The following NKAIN2 variants were observed in gnomAD, a reference collection of about 807,000 sequenced individuals.
NKAIN2 encodes sodium/potassium-transporting ATPase subunit beta-1-interacting protein 2.
A neutral mutation model predicts 32.6 loss-of-function variants in NKAIN2; 14 were observed. The observed-to-expected ratio is 0.43, with a 90% CI of 0.28 to 0.67. The LOEUF is 0.67. Ranked by LOEUF, NKAIN2 falls within the 30% of genes least tolerant of loss-of-function variation. NKAIN2 has a pLI of 0.17. For synonymous variants in NKAIN2, 80 were observed against 87.2 expected, an observed-to-expected ratio of 0.92 and a Z score of 0.46; for missense variants, 198 against 258.3, an observed-to-expected ratio of 0.77 and a Z score of 1.60.
chr6:124,110,061 T>C (rs555171274), intron 1 of NKAIN2, among the ~76,000 whole-genome samples: 69 of 152,154 alleles, frequency 4.5e-4, no homozygotes, highest in Middle Eastern at 6.8e-3. Context: ...GTAGTTTTCT[T>C]GTGGTTTCTT....
intron 3 of NKAIN2, among the ~76,000 whole-genome samples, chr6:124,456,044 AT>A (rs952687495): frequency 1.9e-4 from 28 of 150,950 alleles, no homozygotes; most frequent in African/African-American, 6.1e-4. Flanking sequence ...TGTAAGTGAC[AT>A]TTTTTTTTCT....
intron 1 of NKAIN2, among the ~76,000 whole-genome samples, chr6:124,224,207 G>A (rs72980435): frequency 0.021 from 3,129 of 152,020 alleles, 47 homozygotes; most frequent in Non-Finnish European, 0.035. Flanking sequence ...TCACATATGC[G>A]TGCACATACA....
At chr6:124,630,232 C>T (rs1266168304) in intron 3 of NKAIN2, among the ~76,000 whole-genome samples, 1 of 152,026 alleles carries the variant, frequency 6.6e-6, no homozygotes, top group South Asian at 2.1e-4. Context: ...AGTTATAAAG[C>T]AGAGTGGCTA....
chr6:124,436,382 A>G (rs332618), intron 3 of NKAIN2, among the ~76,000 whole-genome samples: 46,156 of 152,024 alleles, frequency 0.3, 7,633 homozygotes, highest in African/African-American at 0.43. Flanking sequence ...CAGAATTTAT[A>G]AATGCTTGTT....
At position 123,841,755 on chromosome 6, in the gene NKAIN2, A is replaced by G. The variant is rs193033668; in HGVS notation, c.54+37501A>G. On this transcript the variant is annotated intron_variant, in intron 1 of 6. Coordinates refer to ENST00000368417, the MANE Select transcript of NKAIN2 (RefSeq NM_001040214.3). ...TGCTATGGATTTTTAAAACATTTCA[A>G]TCATTTTCATCAGCAAAAGGAAAAC... is the stretch of plus-strand genomic sequence containing the variant. Among the ~76,000 whole-genome samples the G allele has an allele frequency of 1.1e-4, 16 of 152,280 alleles. No homozygotes were observed. In the East Asian group the frequency reaches 3.1e-3, roughly 29 times the overall value.
At chr6:124,705,683 A>G (rs1250965717) in intron 4 of NKAIN2, among the ~76,000 whole-genome samples, 2 of 152,136 alleles carry the variant, frequency 1.3e-5, no homozygotes, top group Admixed American at 6.6e-5. Flanking sequence ...TATAAAAACA[A>G]GCTTTCTGAA....
rs192686744 is a variant in NKAIN2 at position 124,533,388 on chromosome 6, C to A, written c.274-124798C>A. On this transcript the variant is annotated intron_variant, in intron 3 of 6. Coordinates refer to ENST00000368417, the MANE Select transcript of NKAIN2 (RefSeq NM_001040214.3). ...TGGGGAGGCTGAGGCAGGAGAATGGCGTGAACCCGGGAGGTGGAGCTAGCA... is the reference window on the plus strand; with the variant it reads ...TGGGGAGGCTGAGGCAGGAGAATGGAGTGAACCCGGGAGGTGGAGCTAGCA... Among the ~76,000 whole-genome samples the A allele has an allele frequency of 6.7e-3, 928 of 138,366 alleles. 14 individuals are homozygous for A. The highest frequency in any genetic ancestry group is 0.023 in the African/African-American group (873 of 38,410). 90.8% of individuals were successfully genotyped at this position (138,366 alleles called of 152,430 possible). A position where few individuals can be genotyped will look rare whatever the true frequency, so the allele number is the denominator to read the frequency against.
At chr6:124,369,813 T>C (rs1167506449) in intron 3 of NKAIN2, among the ~76,000 whole-genome samples, 1 of 150,742 alleles carries the variant, frequency 6.6e-6, no homozygotes, top group Non-Finnish European at 1.5e-5. Context: ...ACATGATCCT[T>C]GGGACTCATT....
chr6:123,846,670 G>C (rs1393049199), intron 1 of NKAIN2, among the ~76,000 whole-genome samples: 2 of 152,140 alleles, frequency 1.3e-5, no homozygotes, highest in African/African-American at 4.8e-5. Flanking sequence ...AAATTCTTCA[G>C]ATAAAAGAAA....
chr6:124,554,039 C>T (rs149893727), intron 3 of NKAIN2, among the ~76,000 whole-genome samples: 17 of 152,278 alleles, frequency 1.1e-4, no homozygotes, highest in African/African-American at 3.6e-4. Context: ...AAACCAGAAG[C>T]GTTCCCCAGA....
intron 1 of NKAIN2, among the ~76,000 whole-genome samples, chr6:123,849,871 A>C (rs188174958): frequency 1.1e-4 from 16 of 151,442 alleles, no homozygotes; most frequent in African/African-American, 3.9e-4. Flanking sequence ...TGATTAGATG[A>C]GTCAGTGTTT....
At chr6:123,825,465 A>C (rs888656533) in intron 1 of NKAIN2, among the ~76,000 whole-genome samples, 2 of 152,196 alleles carry the variant, frequency 1.3e-5, no homozygotes, top group Non-Finnish European at 2.9e-5. Flanking sequence ...TTTGGAACAC[A>C]AAGATATGTA....
At chr6:124,242,113 C>A (rs1364937597) in intron 1 of NKAIN2, among the ~76,000 whole-genome samples, 1 of 152,172 alleles carries the variant, frequency 6.6e-6, no homozygotes, top group Non-Finnish European at 1.5e-5. Context: ...AACATTCAGC[C>A]TACAAAATGG....
chr6:124,133,002 G>T (rs151338190), intron 1 of NKAIN2, among the ~76,000 whole-genome samples: 1 of 152,154 alleles, frequency 6.6e-6, no homozygotes, highest in Non-Finnish European at 1.5e-5. Flanking sequence ...GTCATTTCTC[G>T]CAACAGGGAC....
intron 1 of NKAIN2, among the ~76,000 whole-genome samples, chr6:124,006,628 C>G (rs1780087011): frequency 6.6e-6 from 1 of 152,130 alleles, no homozygotes; most frequent in African/African-American, 2.4e-5. Context: ...TAGAGTTATG[C>G]CCTTAGTGCC....
At position 124,681,314 on chromosome 6, in the gene NKAIN2, C is replaced by A. The variant is rs532437162; in HGVS notation, c.474+22928C>A. ...ACTTTTTTTAACATCTGTCTTCTATCCTTTCTACCTCCCACTAAGAATATC... is the reference window on the plus strand; with the variant it reads ...ACTTTTTTTAACATCTGTCTTCTATACTTTCTACCTCCCACTAAGAATATC... On this transcript the variant is annotated intron_variant, in intron 4 of 6. Coordinates refer to ENST00000368417, the MANE Select transcript of NKAIN2 (RefSeq NM_001040214.3). 5.9e-5 allele frequency among the ~76,000 whole-genome samples: 9 copies of A among 152,094 alleles called. No individual in the cohort carries two copies. The Middle Eastern group carries it at 0.01, about 172-fold the overall frequency.
chr6:124,598,625 G>A (rs79653529), intron 3 of NKAIN2, among the ~76,000 whole-genome samples: 4,841 of 150,340 alleles, frequency 0.032, 256 homozygotes, highest in African/African-American at 0.11. Context: ...GAAAGCCACC[G>A]AGGAGGGCCC....
chr6:124,709,937 G>C (rs1202314314), intron 4 of NKAIN2, among the ~76,000 whole-genome samples: 1 of 151,854 alleles, frequency 6.6e-6, no homozygotes, highest in Non-Finnish European at 1.5e-5. Flanking sequence ...TGTCAATTTT[G>C]GATCTTTCCT....
At chr6:124,712,287 C>G (rs1288614683) in intron 4 of NKAIN2, among the ~76,000 whole-genome samples, 1 of 127,620 alleles carries the variant, frequency 7.8e-6, no homozygotes, top group East Asian at 2.1e-4. Context: ...CTGTGCCCTG[C>G]CCCCAGAGGT....
Sources: allele counts gnomAD v4.1 joint callset (sites outside exome capture counted in the v4.1 genomes callset), GRCh38; gene constraint gnomAD v4.1.1; transcripts MANE v1.5; gene names NCBI Gene and HGNC (gene_info 2026-07-23, HGNC 2026-07-21).